CNIH3: variants seen among roughly 807,000 people sequenced by gnomAD.
CNIH3 encodes the protein protein cornichon homolog 3.
CNIH3 carries 14 observed loss-of-function variants against 24.1 expected under a neutral mutation model. The observed-to-expected ratio is 0.58, with a 90% CI of 0.38 to 0.91. CNIH3 has a LOEUF of 0.91. CNIH3 is among the 40% of genes least tolerant of loss of function. CNIH3 has a pLI of 0.00. For missense variants in CNIH3, 178 were observed against 196.8 expected (o/e 0.90, Z 0.57); for synonymous variants, 68 against 73.8 (o/e 0.92, Z 0.40).
intron 3 of CNIH3, among the ~76,000 whole-genome samples, chr1:224,609,465 G>A (rs368983553): frequency 6.6e-6 from 1 of 152,214 alleles, no homozygotes. Flanking sequence ...GTGTTTGGAT[G>A]GGGGTGTTGA....
intron 2 of CNIH3, among the ~76,000 whole-genome samples, chr1:224,531,336 A>T (rs1453579075): frequency 6.6e-6 from 1 of 152,176 alleles, no homozygotes; most frequent in East Asian, 1.9e-4. Flanking sequence ...GGACTCAGTG[A>T]GTCATTAGTC....
chr1:224,490,516 C>T (rs1056452156), intron 1 of CNIH3, among the ~76,000 whole-genome samples: 5 of 152,158 alleles, frequency 3.3e-5, no homozygotes, highest in East Asian at 1.9e-4. Flanking sequence ...GTTCTTTTCT[C>T]GCATGCAGAT....
chr1:224,486,779 G>C (rs1463381632), intron 1 of CNIH3, among the ~76,000 whole-genome samples: 1 of 151,906 alleles, frequency 6.6e-6, no homozygotes, highest in Non-Finnish European at 1.5e-5. Context: ...CTACCTTCAA[G>C]ATGATTGTTT....
intron 3 of CNIH3, among the ~76,000 whole-genome samples, chr1:224,723,993 A>G (rs1688884167): frequency 6.6e-6 from 1 of 152,180 alleles, no homozygotes; most frequent in Non-Finnish European, 1.5e-5. Flanking sequence ...AGGTAGGAGG[A>G]TCACTTAAGC....
At chr1:224,434,984 T>C in intron 1 of CNIH3, 2 of 985,430 alleles carry the variant, frequency 2.0e-6, no homozygotes, top group Non-Finnish European at 2.4e-6. Context: ...CCCCGACTCC[T>C]ATCCGATCCT....
At chr1:224,492,494 A>G (rs1440170251) in intron 1 of CNIH3, among the ~76,000 whole-genome samples, 1 of 152,248 alleles carries the variant, frequency 6.6e-6, no homozygotes, top group Non-Finnish European at 1.5e-5. Context: ...AAGGTGAAGG[A>G]ACTGAATAAA....
chr1:224,640,271 C>T (rs1236100381), intron 1 of CNIH3, among the ~76,000 whole-genome samples: 1 of 152,180 alleles, frequency 6.6e-6, no homozygotes, highest in Admixed American at 6.5e-5. Flanking sequence ...CACCAGCCTC[C>T]GCCACCTCTC....
In CNIH3 at chr1:224,454,257, GTT is replaced by G. The variant is rs11374306; in HGVS notation, n.203+19411_203+19412del. ...TTTACAGGCTCATTTCTACTAGTAAGTTTTTTTTTTTTTTTTTCAGATCTCTG... is the reference window on the plus strand; with the variant it reads ...TTTACAGGCTCATTTCTACTAGTAAGTTTTTTTTTTTTTTTCAGATCTCTG... On this transcript the variant is annotated intron_variant and non_coding_transcript_variant, in intron 1 of 5. Transcript: ENST00000471578. The G allele has an allele frequency of 1.8e-3, 1,357 of 748,998 alleles. 4 individuals are homozygous for G. Among genetic ancestry groups the G allele is most frequent in the Middle Eastern group, 1.0e-2 (15 of 1,502 alleles). The allele number at this position is 748,998 out of a possible 1,614,324, so 46.4% of individuals were successfully genotyped here.
intron 1 of CNIH3, among the ~76,000 whole-genome samples, chr1:224,517,236 G>A (rs1558123916): frequency 6.6e-6 from 1 of 152,152 alleles, no homozygotes; most frequent in Non-Finnish European, 1.5e-5. Context: ...GCACACCTTG[G>A]AGCAGGAGCC....
chr1:224,564,385 C>A (rs920297089), intron 3 of CNIH3, among the ~76,000 whole-genome samples: 1 of 152,212 alleles, frequency 6.6e-6, no homozygotes, highest in East Asian at 1.9e-4. Flanking sequence ...GGAATAAAAT[C>A]TATTATTTTC....
intron 1 of CNIH3, among the ~76,000 whole-genome samples, chr1:224,667,676 G>A (rs1269105703): frequency 6.6e-6 from 1 of 152,048 alleles, no homozygotes; most frequent in African/African-American, 2.4e-5. Flanking sequence ...CTGAGGGGAT[G>A]TGGGACAGAG....
chr1:224,633,261 C>T (rs1040538063), intron 1 of CNIH3, among the ~76,000 whole-genome samples: 10 of 152,210 alleles, frequency 6.6e-5, no homozygotes, highest in Non-Finnish European at 1.3e-4. Context: ...CAGGTTCAAG[C>T]GATTCTCCCG....
chr1:224,490,271 C>T (rs549508611), intron 1 of CNIH3, among the ~76,000 whole-genome samples: 35 of 152,200 alleles, frequency 2.3e-4, no homozygotes, highest in Non-Finnish European at 4.4e-4. Flanking sequence ...TGAGACATAT[C>T]TTCAGGCATT....
intron 1 of CNIH3, among the ~76,000 whole-genome samples, chr1:224,503,646 C>T (rs991119857): frequency 2.6e-5 from 4 of 152,212 alleles, no homozygotes; most frequent in Non-Finnish European, 4.4e-5. Context: ...CCCTGGCAAC[C>T]GCACAGGGCT....
At chr1:224,605,076 A>G (rs1682363693) in intron 3 of CNIH3, among the ~76,000 whole-genome samples, 1 of 152,220 alleles carries the variant, frequency 6.6e-6, no homozygotes, top group African/African-American at 2.4e-5. Context: ...AAAGGTGGGC[A>G]TGACAGTGTA....
intron 1 of CNIH3, among the ~76,000 whole-genome samples, chr1:224,462,897 C>CTTT (rs71572901): frequency 9.1e-4 from 67 of 73,414 alleles, no homozygotes; most frequent in African/African-American, 1.6e-3. Context: ...ATATGTTTAA[C>CTTT]TTTTTTTTTT....
chr1:224,584,835 A>G (rs1245239374), intron 5 of CNIH3, among the ~76,000 whole-genome samples: 2 of 152,220 alleles, frequency 1.3e-5, no homozygotes, highest in Non-Finnish European at 2.9e-5. Context: ...AATCTCAGCA[A>G]TGCCTAATGG....
intron 4 of CNIH3, 125 bp downstream of exon 4, chr1:224,730,699 C>T: frequency 1.6e-6 from 1 of 641,804 alleles, no homozygotes; most frequent in Non-Finnish European, 2.8e-6. Context: ...TTCTGGGTCT[C>T]TCTCTTTAAA....
intron 3 of CNIH3, among the ~76,000 whole-genome samples, chr1:224,702,526 C>T (rs2125177433): frequency 6.6e-6 from 1 of 152,354 alleles, no homozygotes; most frequent in South Asian, 2.1e-4. Context: ...GCAGGCTGGC[C>T]TGTTGCAGAG....
Sources: gnomAD v4.1 joint callset for allele counts (sites outside exome capture counted in the v4.1 genomes callset) on GRCh38, gnomAD v4.1.1 for gene constraint, MANE v1.5 for transcripts, NCBI Gene and HGNC (gene_info 2026-07-23, HGNC 2026-07-21) for gene names.